The following PRKAG2 variants were observed in gnomAD, a reference collection of about 807,000 sequenced individuals.
PRKAG2 encodes 5'-AMP-activated protein kinase subunit gamma-2.
In PRKAG2, 26 loss-of-function variants were observed where a neutral mutation model predicts 69.6. The observed-to-expected ratio is 0.37, with a 90% CI of 0.27 to 0.52. The LOEUF is 0.52. Among genes scored for constraint, PRKAG2 ranks in the 20% least tolerant of loss-of-function variants. The pLI, the probability that PRKAG2 is intolerant of heterozygous loss-of-function variation, is 0.90. For synonymous variants in PRKAG2, 293 were observed against 285.0 expected (o/e 1.03, Z -0.28); for missense variants, 557 against 740.0 (o/e 0.75, Z 2.87).
chr7:151,697,459 C>T (rs945129539), intron 3 of PRKAG2, among the ~76,000 whole-genome samples: 1 of 152,058 alleles, frequency 6.6e-6, no homozygotes, highest in African/African-American at 2.4e-5. Flanking sequence ...AGCTTGAACT[C>T]TGTGGGGACT....
At position 151,594,491 on chromosome 7, in the gene PRKAG2, C is replaced by T. The variant is rs4725413; in HGVS notation, c.864+854G>A. On this transcript the variant is annotated intron_variant, in intron 6 of 15. Transcript: ENST00000287878. ...CATTGATATAAAGTAAGTTGCAATA[C>T]GCATAATTTTAATACCAAAATGTTA... Among the ~76,000 whole-genome samples the T allele has an allele frequency of 6.2e-4, 95 of 152,058 alleles. 1 individual carries two copies. The highest frequency in any genetic ancestry group is 3.4e-3 in the Middle Eastern group (1 of 294).
At chr7:151,784,279 C>T (rs1430630997) in intron 2 of PRKAG2, among the ~76,000 whole-genome samples, 2 of 152,128 alleles carry the variant, frequency 1.3e-5, no homozygotes, top group Non-Finnish European at 2.9e-5. Context: ...GGTGCATGGA[C>T]GTGCTCTGTT....
chr7:151,785,800 C>T (rs1182919851), intron 2 of PRKAG2, among the ~76,000 whole-genome samples: 1 of 152,098 alleles, frequency 6.6e-6, no homozygotes, highest in East Asian at 1.9e-4. Flanking sequence ...GACCTCTGCG[C>T]CCTGCCACGG....
Position 151,814,489 on chromosome 7 carries a change from G to C in PRKAG2, c.115-27948C>G. The C allele has an allele frequency of 8.1e-7, 1 of 1,230,782 alleles. No individual in the cohort carries two copies. The allele number at this position is 1,230,782 out of a possible 1,614,324, so 76.2% of individuals were successfully genotyped here. Reference sequence around the variant, plus strand: ...AGTGCAGGCTTGTAAGCTGCTGGATGGCAGGATGCGAGTGACGGGGACGGG... The same window carrying C: ...AGTGCAGGCTTGTAAGCTGCTGGATCGCAGGATGCGAGTGACGGGGACGGG... On this transcript the variant is annotated intron_variant, in intron 1 of 15. Transcript: ENST00000287878. This position sits in a 1 kb window ranked among gnomAD's most constrained non-coding sequence, Gnocchi z 4.8.
chr7:151,757,350 T>A (rs985527671), intron 3 of PRKAG2, among the ~76,000 whole-genome samples: 2 of 152,216 alleles, frequency 1.3e-5, no homozygotes, highest in East Asian at 1.9e-4. Flanking sequence ...CCTGAAGTTT[T>A]ACAAGTTAAA....
intron 5 of PRKAG2, among the ~76,000 whole-genome samples, chr7:151,615,807 T>C (rs532160846): frequency 6.6e-6 from 1 of 152,176 alleles, no homozygotes; most frequent in African/African-American, 2.4e-5. Context: ...AACAAGAATA[T>C]GAAAAAAAGC....
At chr7:151,855,586 ACCACCCTCCACACACG>A (rs2079751226) in intron 1 of PRKAG2, among the ~76,000 whole-genome samples, 1 of 119,086 alleles carries the variant, frequency 8.4e-6, no homozygotes, top group Admixed American at 8.9e-5. Context: ...CTACACACAC[ACCACCCTCCACACACG>A]CCACCCTCCA....
intron 6 of PRKAG2, among the ~76,000 whole-genome samples, chr7:151,581,717 C>G (rs1810512408): frequency 6.6e-6 from 1 of 152,176 alleles, no homozygotes; most frequent in Non-Finnish European, 1.5e-5. Context: ...CATTTTTACA[C>G]TACAGTGAGC....
rs1453962590 is a variant in PRKAG2 at position 151,835,956 on chromosome 7, G to A, written c.114+40551C>T. 6.6e-6 allele frequency among the ~76,000 whole-genome samples: 1 copy of A among 152,210 alleles called. No homozygotes were observed. Among genetic ancestry groups the A allele is most frequent in the African/African-American group, 2.4e-5 (1 of 41,452 alleles). Reference sequence around the variant, plus strand: ...GGACTGTGACGAGGCCAATCCACGGGCATTGATTGCTCCATGGACCAGCGT... The same window carrying A: ...GGACTGTGACGAGGCCAATCCACGGACATTGATTGCTCCATGGACCAGCGT... On this transcript the variant is annotated intron_variant, in intron 1 of 15. Coordinates refer to ENST00000287878, the MANE Select transcript of PRKAG2 (RefSeq NM_016203.4). The surrounding 1 kb of genome is among the most constrained non-coding windows in gnomAD (Gnocchi z 4.1).
At chr7:151,639,582 T>C (rs139039265) in intron 4 of PRKAG2, among the ~76,000 whole-genome samples, 3 of 152,294 alleles carry the variant, frequency 2.0e-5, no homozygotes, top group African/African-American at 7.2e-5. Context: ...AGGATTTCCT[T>C]GCTCTTTCTC....
chr7:151,699,804 C>G lies in PRKAG2; in HGVS notation c.467-24167G>C, dbSNP rs1056237081. 6.6e-6 allele frequency among the ~76,000 whole-genome samples: 1 copy of G among 152,156 alleles called. No homozygotes were observed. Among genetic ancestry groups the G allele is most frequent in the Non-Finnish European group, 1.5e-5 (1 of 68,040 alleles). ...TGGGACACAGCAAGGTGCTCAGGCC[C>G]TCAGAGGAGGCAGTGGGGAGGTTCT... On this transcript the variant is annotated intron_variant, in intron 3 of 15. Transcript: ENST00000287878. This position sits in a 1 kb window ranked among gnomAD's most constrained non-coding sequence, Gnocchi z 4.5.
At chr7:151,630,752 C>T (rs1187705206) in intron 5 of PRKAG2, among the ~76,000 whole-genome samples, 1 of 152,214 alleles carries the variant, frequency 6.6e-6, no homozygotes, top group Non-Finnish European at 1.5e-5. Flanking sequence ...CACACCATTC[C>T]ACCCTGTGGA....
intron 1 of PRKAG2, among the ~76,000 whole-genome samples, chr7:151,817,176 C>T (rs1033202128): frequency 6.6e-6 from 1 of 152,158 alleles, no homozygotes; most frequent in Admixed American, 6.5e-5. Context: ...CACCTACTCT[C>T]CCTGGAGGGC....
chr7:151,869,980 C>T (rs2151913067), intron 1 of PRKAG2, among the ~76,000 whole-genome samples: 1 of 152,348 alleles, frequency 6.6e-6, no homozygotes, highest in Middle Eastern at 3.4e-3. Flanking sequence ...CGGGCTGGCC[C>T]ACACAGGCAG....
intron 4 of PRKAG2, among the ~76,000 whole-genome samples, chr7:151,669,769 T>C (rs1831565939): frequency 7.1e-6 from 1 of 139,940 alleles, no homozygotes; most frequent in Non-Finnish European, 1.6e-5. Context: ...CACACACCTG[T>C]GCACACACTT....
chr7:151,728,004 T>G (rs1284148404), intron 3 of PRKAG2, among the ~76,000 whole-genome samples: 1 of 152,150 alleles, frequency 6.6e-6, no homozygotes, highest in African/African-American at 2.4e-5. Flanking sequence ...CAGCCTGCTT[T>G]CCAGAGGCCA....
At chr7:151,865,025 A>G (rs1174675619) in intron 1 of PRKAG2, among the ~76,000 whole-genome samples, 1 of 152,228 alleles carries the variant, frequency 6.6e-6, no homozygotes, top group Non-Finnish European at 1.5e-5. Flanking sequence ...TGAATGTATT[A>G]TATATGTAAA....
At chr7:151,741,498 T>C (rs918997564) in intron 3 of PRKAG2, among the ~76,000 whole-genome samples, 6 of 151,328 alleles carry the variant, frequency 4.0e-5, no homozygotes, top group African/African-American at 7.3e-5. Context: ...ACCAACATGG[T>C]GAAAACCCAT....
chr7:151,577,990 A>ATG (rs1809388166), intron 6 of PRKAG2, among the ~76,000 whole-genome samples: 1 of 144,746 alleles, frequency 6.9e-6, no homozygotes, highest in African/African-American at 2.6e-5. Flanking sequence ...TGGTATGGTT[A>ATG]TGTTTTTTTT....
Sources: allele counts gnomAD v4.1 joint callset (sites outside exome capture counted in the v4.1 genomes callset), GRCh38; gene constraint gnomAD v4.1.1; non-coding constraint Gnocchi (gnomAD v3.1); transcripts MANE v1.5; gene names NCBI Gene and HGNC (gene_info 2026-07-23, HGNC 2026-07-21).